Variants in APBA2 observed in about 807,000 individuals in gnomAD.
APBA2 encodes the protein amyloid beta precursor protein binding family A member 2.
APBA2 carries 30 observed loss-of-function variants against 75.0 expected under a neutral mutation model. The ratio of observed to expected loss-of-function variants is 0.40; its 90% CI spans 0.30 to 0.54. APBA2 has a LOEUF of 0.54. APBA2 is among the 20% of genes least tolerant of loss of function. The probability of loss-of-function intolerance (pLI) is 0.49; values close to 1 mark genes in which losing one functional copy is unlikely to be tolerated. For synonymous variants in APBA2, 444 were observed against 409.6 expected (o/e 1.08, Z -1.01); for missense variants, 801 against 1,016.1 (o/e 0.79, Z 2.88).
At chr15:29,083,820 C>A (rs923236253) in intron 6 of APBA2, among the ~76,000 whole-genome samples, 1 of 152,092 alleles carries the variant, frequency 6.6e-6, no homozygotes, top group Non-Finnish European at 1.5e-5. Flanking sequence ...CATGAGCCAC[C>A]GCGCCCGGCC....
At chr15:28,906,129 A>T (rs2033120324) in intron 1 of APBA2, among the ~76,000 whole-genome samples, 1 of 152,118 alleles carries the variant, frequency 6.6e-6, no homozygotes, top group African/African-American at 2.4e-5. Context: ...TTGCAGTTCG[A>T]TCCCCCAGCC....
At chr15:28,973,807 T>C (rs914604674) in intron 2 of APBA2, among the ~76,000 whole-genome samples, 2 of 152,208 alleles carry the variant, frequency 1.3e-5, no homozygotes, top group Non-Finnish European at 2.9e-5. Flanking sequence ...TTGATTGCCC[T>C]GCAGGTAGGA....
chr15:28,928,061 G>A (rs1398568684), intron 2 of APBA2, among the ~76,000 whole-genome samples: 2 of 150,028 alleles, frequency 1.3e-5, no homozygotes, highest in Non-Finnish European at 3.0e-5. Context: ...GGAGAATGAC[G>A]TGAACCTGGG....
intron 3 of APBA2, chr15:29,044,185 T>C (rs2041190386): frequency 6.6e-6 from 1 of 152,220 alleles, no homozygotes. Context: ...TCTGCTATAT[T>C]ACTAGCTCTT....
chr15:28,995,366 C>T (rs560943921), intron 2 of APBA2, among the ~76,000 whole-genome samples: 5 of 152,294 alleles, frequency 3.3e-5, no homozygotes, highest in Admixed American at 2.0e-4. Context: ...GCACACCCTC[C>T]GCAGTCTGAA....
chr15:28,996,566 C>A (rs868570642), intron 3 of APBA2, among the ~76,000 whole-genome samples: 1 of 152,188 alleles, frequency 6.6e-6, no homozygotes, highest in Non-Finnish European at 1.5e-5. Flanking sequence ...TCTTCTGTGG[C>A]TGGAGACACA....
chr15:28,917,199 A>G (rs897292191), intron 1 of APBA2, among the ~76,000 whole-genome samples: 5 of 152,126 alleles, frequency 3.3e-5, no homozygotes, highest in Non-Finnish European at 7.4e-5. Context: ...AACCCCCAGG[A>G]AAGCAGTACT....
chr15:29,059,201 G>A (rs1244070003), intron 4 of APBA2, among the ~76,000 whole-genome samples: 1 of 151,644 alleles, frequency 6.6e-6, no homozygotes, highest in Non-Finnish European at 1.5e-5. Flanking sequence ...AATGTTCTTT[G>A]CATTTTTGTT....
chr15:29,020,809 T>A (rs1210087361), intron 3 of APBA2, among the ~76,000 whole-genome samples: 1 of 151,894 alleles, frequency 6.6e-6, no homozygotes, highest in East Asian at 1.9e-4. Context: ...AGACTCCATC[T>A]CAAAAAACAA....
chr15:29,040,397 A>G (rs1451074165), intron 3 of APBA2, among the ~76,000 whole-genome samples: 3 of 152,226 alleles, frequency 2.0e-5, no homozygotes, highest in Non-Finnish European at 4.4e-5. Context: ...TATGGAAGAA[A>G]TCTTGGAGAG....
At chr15:29,020,556 A>G (rs1461545566) in intron 3 of APBA2, among the ~76,000 whole-genome samples, 1 of 152,098 alleles carries the variant, frequency 6.6e-6, no homozygotes, top group Non-Finnish European at 1.5e-5. Context: ...CCGTAATCCC[A>G]GCACTTTGAG....
chr15:29,096,029 G>T (rs2152955492), intron 8 of APBA2, among the ~76,000 whole-genome samples: 1 of 152,352 alleles, frequency 6.6e-6, no homozygotes, highest in Admixed American at 6.5e-5. Context: ...GGCAGACCCA[G>T]CTCAAAAAGG....
chr15:28,924,136 C>T (rs116006034), intron 2 of APBA2, among the ~76,000 whole-genome samples: 2,502 of 152,272 alleles, frequency 0.016, 85 homozygotes, highest in African/African-American at 0.057. Context: ...CTTGCCTTCC[C>T]GAGTGCTGGC....
In APBA2 at chr15:28,973,583, G is replaced by A. The variant is rs577658549; in HGVS notation, c.-94-22170G>A. Among the ~76,000 whole-genome samples, 7 of 152,316 alleles carry A rather than the reference G, an allele frequency of 4.6e-5. No homozygotes were observed. In the East Asian group the frequency reaches 1.3e-3, roughly 29 times the overall value. On this transcript the variant is annotated intron_variant, in intron 2 of 14. Transcript: ENST00000683413. Reference sequence around the variant, plus strand: ...AGGCTTCATCCAATGAAAAGATGATGTGGGAAACTTTGGCGAAGGCACTGA... The same window carrying A: ...AGGCTTCATCCAATGAAAAGATGATATGGGAAACTTTGGCGAAGGCACTGA...
At chr15:29,063,753 A>G (rs969980700) in intron 4 of APBA2, among the ~76,000 whole-genome samples, 1 of 143,828 alleles carries the variant, frequency 7.0e-6, no homozygotes, top group African/African-American at 2.5e-5. Context: ...TGGGAAGCTC[A>G]TCGGGTCTGG....
At chr15:28,942,947 G>T (rs2035320949) in intron 2 of APBA2, among the ~76,000 whole-genome samples, 1 of 152,178 alleles carries the variant, frequency 6.6e-6, no homozygotes, top group African/African-American at 2.4e-5. Context: ...CTCGTTCTCA[G>T]GGGGGGCTTC....
chr15:28,947,573 T>A (rs2035615818), intron 2 of APBA2, among the ~76,000 whole-genome samples: 1 of 152,130 alleles, frequency 6.6e-6, no homozygotes, highest in East Asian at 1.9e-4. Flanking sequence ...TTCCTATCTT[T>A]GGAGCGGCTC....
chr15:28,948,040 C>T (rs1456792511), intron 2 of APBA2, among the ~76,000 whole-genome samples: 1 of 152,214 alleles, frequency 6.6e-6, no homozygotes, highest in Non-Finnish European at 1.5e-5. Context: ...ACCCCAGGGC[C>T]ATGGACTTCT....
At chr15:28,908,909 A>G (rs891814057) in intron 1 of APBA2, among the ~76,000 whole-genome samples, 1 of 151,842 alleles carries the variant, frequency 6.6e-6, no homozygotes, top group Non-Finnish European at 1.5e-5. Context: ...TCATCTTGCA[A>G]TCTGAAATTC....
Sources: gnomAD v4.1 joint callset for allele counts (sites outside exome capture counted in the v4.1 genomes callset) on GRCh38, gnomAD v4.1.1 for gene constraint, MANE v1.5 for transcripts, NCBI Gene and HGNC (gene_info 2026-07-23, HGNC 2026-07-21) for gene names.